RUFY3: variants seen among roughly 807,000 people sequenced by gnomAD.
RUFY3 encodes RUN and FYVE domain containing 3.
A neutral mutation model predicts 84.0 loss-of-function variants in RUFY3; 34 were observed. That is an observed-to-expected ratio of 0.40 (90% confidence interval 0.31 to 0.54). The LOEUF (loss-of-function observed/expected upper bound fraction) is 0.54, where lower values mean the gene tolerates loss of function less well. Among genes scored for constraint, RUFY3 ranks in the 20% least tolerant of loss-of-function variants. The pLI is 0.39. For missense variants in RUFY3, 507 were observed against 736.8 expected, an observed-to-expected ratio of 0.69 and a Z score of 3.61; for synonymous variants, 242 against 252.9, an observed-to-expected ratio of 0.96 and a Z score of 0.41.
At chr4:70,741,949 G>C (rs755610002) in intron 1 of RUFY3, among the ~76,000 whole-genome samples, 1 of 152,062 alleles carries the variant, frequency 6.6e-6, no homozygotes, top group Non-Finnish European at 1.5e-5. Context: ...TTTTTCACTT[G>C]TTTGTTGAGA....
At chr4:70,735,258 T>G (rs1054461041) in intron 1 of RUFY3, among the ~76,000 whole-genome samples, 1 of 152,204 alleles carries the variant, frequency 6.6e-6, no homozygotes, top group African/African-American at 2.4e-5. Context: ...GAGTATATAA[T>G]TGGGCATGTT....
At chr4:70,755,398 C>A (rs900480343) in intron 1 of RUFY3, among the ~76,000 whole-genome samples, 9 of 152,138 alleles carry the variant, frequency 5.9e-5, no homozygotes, top group Non-Finnish European at 1.3e-4. Context: ...TCTTTTCCTT[C>A]AATTATTTAG....
chr4:70,754,397 G>C (rs1320262838), intron 1 of RUFY3, among the ~76,000 whole-genome samples: 1 of 152,012 alleles, frequency 6.6e-6, no homozygotes, highest in Non-Finnish European at 1.5e-5. Context: ...TCAATCCAGA[G>C]AAAATGTTAC....
chr4:70,741,715 CCTTG>C (rs1721348043), intron 1 of RUFY3: 2 of 1,429,776 alleles, frequency 1.4e-6, no homozygotes, highest in Admixed American at 3.0e-5. Flanking sequence ...AGCTTTTTCT[CCTTG>C]CTTTTTAAAA....
chr4:70,748,663 A>G (rs1722620715), intron 1 of RUFY3, among the ~76,000 whole-genome samples: 1 of 152,192 alleles, frequency 6.6e-6, no homozygotes, highest in Non-Finnish European at 1.5e-5. Flanking sequence ...GCATCTGCAT[A>G]TCTGTGCCAG....
At chr4:70,766,683 C>G (rs1397158780) in intron 4 of RUFY3, among the ~76,000 whole-genome samples, 1 of 152,178 alleles carries the variant, frequency 6.6e-6, no homozygotes, top group Non-Finnish European at 1.5e-5. Context: ...CAACATCCCA[C>G]AGGAGTGGTA....
intron 17 of RUFY3, among the ~76,000 whole-genome samples, chr4:70,804,902 GCAA>G (rs1732676956): frequency 6.6e-6 from 1 of 152,144 alleles, no homozygotes; most frequent in Non-Finnish European, 1.5e-5. Flanking sequence ...TCCAGCCTGG[GCAA>G]CAGAGCGAGA....
At chr4:70,764,894 G>A (rs1427542457) in intron 4 of RUFY3, among the ~76,000 whole-genome samples, 1 of 151,986 alleles carries the variant, frequency 6.6e-6, no homozygotes, top group Non-Finnish European at 1.5e-5. Context: ...TTCAAATATA[G>A]CACAAAATTG....
intron 1 of RUFY3, chr4:70,705,348 G>A (rs1740165952): frequency 1.6e-6 from 2 of 1,249,582 alleles, no homozygotes; most frequent in East Asian, 3.2e-5. Flanking sequence ...ATTCGGCTGG[G>A]GAGGGCCGGC....
intron 1 of RUFY3, among the ~76,000 whole-genome samples, chr4:70,708,930 T>G (rs1244172254): frequency 6.6e-6 from 1 of 152,162 alleles, no homozygotes; most frequent in Non-Finnish European, 1.5e-5. Context: ...TGGTGGCACA[T>G]GCCTCTGGTG....
At chr4:70,796,777 C>A (rs1439824190) in intron 14 of RUFY3, among the ~76,000 whole-genome samples, 1 of 152,158 alleles carries the variant, frequency 6.6e-6, no homozygotes. Context: ...CTGCCCACTT[C>A]TTTGGGGACA....
upstream of RUFY3, among the ~76,000 whole-genome samples, chr4:70,719,406 T>C (rs1742018844): frequency 6.6e-6 from 1 of 152,220 alleles, no homozygotes; most frequent in Non-Finnish European, 1.5e-5. Context: ...TCAATCTAGA[T>C]CTGTTCAAGT....
chr4:70,766,068 T>C (rs908895184), intron 4 of RUFY3, among the ~76,000 whole-genome samples: 4 of 152,104 alleles, frequency 2.6e-5, no homozygotes, highest in Non-Finnish European at 4.4e-5. Context: ...ATATCTTTTA[T>C]AGTGAATCAG....
rs149283324 is a variant in RUFY3 at position 70,802,854 on chromosome 4, T to A, written c.1623-102T>A. 7,408 of 798,468 alleles carry A rather than the reference T, an allele frequency of 9.3e-3. 179 individuals are homozygous for A. The highest frequency in any genetic ancestry group is 0.049 in the East Asian group (1,898 of 39,058). The allele number at this position is 798,468 out of a possible 1,614,324, so 49.5% of individuals were successfully genotyped here. On this transcript the variant is annotated intron_variant, in intron 15 of 17. Coordinates refer to ENST00000381006, the MANE Select transcript of RUFY3 (RefSeq NM_001037442.4). ...AATATAAAAGACCTACAGTATTTCTTGTTTGAAAAAAATGTTTGTATTCTG... is the reference window on the plus strand; with the variant it reads ...AATATAAAAGACCTACAGTATTTCTAGTTTGAAAAAAATGTTTGTATTCTG...
intron 5 of RUFY3, among the ~76,000 whole-genome samples, chr4:70,773,291 T>C (rs1366962903): frequency 2.6e-5 from 4 of 152,250 alleles, no homozygotes; most frequent in Non-Finnish European, 4.4e-5. Flanking sequence ...GTGTTAGTTG[T>C]GATCTAGTCT....
intron 1 of RUFY3, among the ~76,000 whole-genome samples, chr4:70,736,044 G>C (rs1720225372): frequency 6.6e-6 from 1 of 151,884 alleles, no homozygotes; most frequent in East Asian, 1.9e-4. Flanking sequence ...TACTCAGGAG[G>C]CTGACGTGGG....
intron 9 of RUFY3, among the ~76,000 whole-genome samples, chr4:70,783,441 G>A (rs975496426): frequency 2.0e-5 from 3 of 152,190 alleles, no homozygotes; most frequent in African/African-American, 7.2e-5. Flanking sequence ...TTGTTTTTAT[G>A]TACTAATGGT....
At chr4:70,804,481 C>T in intron 17 of RUFY3, 65 bp downstream of exon 17, 11 of 1,378,762 alleles carry the variant, frequency 8.0e-6, no homozygotes, top group Non-Finnish European at 1.1e-5. Flanking sequence ...CAGTCCCTCC[C>T]CAGGAGTAAC....
chr4:70,795,265 C>T (rs1424834221), intron 14 of RUFY3, among the ~76,000 whole-genome samples: 1 of 152,004 alleles, frequency 6.6e-6, no homozygotes, highest in Non-Finnish European at 1.5e-5. Context: ...CCCTGAATTC[C>T]CCTTTAACAG....
Sources: gnomAD v4.1 joint callset for allele counts (sites outside exome capture counted in the v4.1 genomes callset) on GRCh38, gnomAD v4.1.1 for gene constraint, MANE v1.5 for transcripts, NCBI Gene and HGNC (gene_info 2026-07-23, HGNC 2026-07-21) for gene names.